N4BP2: variants seen among roughly 807,000 people sequenced by gnomAD.
The protein encoded by N4BP2 is NEDD4-binding protein 2.
N4BP2 carries 91 observed loss-of-function variants against 152.8 expected under a neutral mutation model. The ratio of observed to expected loss-of-function variants is 0.60; its 90% CI spans 0.50 to 0.71. The LOEUF is 0.71. N4BP2 is among the 30% of genes least tolerant of loss of function. The pLI is 0.00. For missense variants in N4BP2, 1,923 were observed against 2,059.1 expected, an observed-to-expected ratio of 0.93 and a Z score of 1.28; for synonymous variants, 646 against 705.3, an observed-to-expected ratio of 0.92 and a Z score of 1.33.
rs1267390493 is a variant in N4BP2 at position 40,157,356 on chromosome 4, T to A, written c.*3119T>A. The A allele has an allele frequency of 6.6e-6, 1 of 152,184 alleles. No individual in the cohort carries two copies. Among genetic ancestry groups the A allele is most frequent in the Non-Finnish European group, 1.5e-5 (1 of 67,996 alleles). 9.4% of individuals were successfully genotyped at this position (152,184 alleles called of 1,614,324 possible). A position where few individuals can be genotyped will look rare whatever the true frequency, so the allele number is the denominator to read the frequency against. On this transcript the variant is annotated 3_prime_UTR_variant, in exon 18 of 18. Transcript: ENST00000261435. ...ATATAGCAGAAATTTTGACTTTAAA[T>A]CCTCTTGAGTAGTATATTTTGAGAA...
chr4:40,161,851 G>A (rs1013429186), downstream of N4BP2, among the ~76,000 whole-genome samples: 1 of 152,170 alleles, frequency 6.6e-6, no homozygotes, highest in Admixed American at 6.5e-5. Flanking sequence ...CTGGCTCTGG[G>A]GATGAATTCC....
At chr4:40,063,361 T>C (rs1374036754) in intron 1 of N4BP2, among the ~76,000 whole-genome samples, 1 of 152,222 alleles carries the variant, frequency 6.6e-6, no homozygotes, top group East Asian at 1.9e-4. Flanking sequence ...ACTGGCTTTA[T>C]TCCTTTTACT....
rs955544064 is a variant in N4BP2 at position 40,157,493 on chromosome 4, G to C, written c.*3256G>C. On this transcript the variant is annotated 3_prime_UTR_variant, in exon 18 of 18. Transcript: ENST00000261435. ...GTAGACATGTATAATATTGAGATCG[G>C]TTATTTCTGAGCTGGAAATTGGAAA... is the stretch of plus-strand genomic sequence containing the variant. 1 of 152,078 alleles carries C rather than the reference G, an allele frequency of 6.6e-6. No individual in the cohort carries two copies. The highest frequency in any genetic ancestry group is 1.9e-4 in the East Asian group (1 of 5,200). 9.4% of individuals were successfully genotyped at this position (152,078 alleles called of 1,614,324 possible). A position where few individuals can be genotyped will look rare whatever the true frequency, so the allele number is the denominator to read the frequency against.
At chr4:40,144,291 C>T (rs563942411) in intron 15 of N4BP2, among the ~76,000 whole-genome samples, 1 of 152,268 alleles carries the variant, frequency 6.6e-6, no homozygotes, top group African/African-American at 2.4e-5. Context: ...AGAAACAATG[C>T]TTCACCAGCC....
At chr4:40,173,175 T>A in the N4BP2 span, among the ~76,000 whole-genome samples, 1 of 149,878 alleles carries the variant, frequency 6.7e-6, no homozygotes, top group Non-Finnish European at 1.5e-5. Context: ...CCTTGTCCCC[T>A]TAGAGGGGCT....
At chr4:40,071,347 TAA>T (rs1712161002) in intron 1 of N4BP2, among the ~76,000 whole-genome samples, 1 of 152,172 alleles carries the variant, frequency 6.6e-6, no homozygotes, top group Non-Finnish European at 1.5e-5. Flanking sequence ...AGACTTAGGT[TAA>T]ACAGTTTTGG....
chr4:40,141,420 G>A (rs1278169231), intron 14 of N4BP2, among the ~76,000 whole-genome samples: 3 of 151,732 alleles, frequency 2.0e-5, no homozygotes, highest in South Asian at 2.1e-4. Context: ...GGTCGCGGCC[G>A]GGTAGAGGCG....
At position 40,126,282 on chromosome 4, in the gene N4BP2, CAG is replaced by C. The variant is rs1194994904; in HGVS notation, c.4483_4484del (p.Glu1495AsnfsTer13). On this transcript the variant is annotated frameshift_variant, in exon 12 of 18. Coordinates refer to ENST00000261435, the MANE Select transcript of N4BP2 (RefSeq NM_018177.6). LOFTEE classifies it high-confidence loss of function. ...ATACTCAAACTAAAAAAGTATCACT[CAG>C]AGAAATAATGTCAGAAGAAATTGCC... ...WNTQTKKVSL[R>X]EIMSEEIALQ... is the part of the protein sequence containing the mutation. 2.5e-6 allele frequency: 4 copies of C among 1,584,792 alleles called. No individual in the cohort carries two copies. The highest frequency in any genetic ancestry group is 3.4e-6 in the Non-Finnish European group (4 of 1,165,082).
At chr4:40,092,008 T>TTATATATATA (rs1221314746) in intron 2 of N4BP2, among the ~76,000 whole-genome samples, 333 of 27,200 alleles carry the variant, frequency 0.012, 14 homozygotes, top group Non-Finnish European at 0.016. Flanking sequence ...AAAAAAAAAA[T>TTATATATATA]TATATATATA....
rs1721251676 is a variant in N4BP2, at chr4:40,152,711, A to AAT, written c.5144-68_5144-67insTA. 1.9e-6 allele frequency: 3 copies of AAT among 1,555,498 alleles called. No individual in the cohort carries two copies. The South Asian group carries it at 3.4e-5, about 18-fold the overall frequency. ...AACAATTTCATGTGCTTGAGTAGCT[A>AAT]AGGTTTACGTTTTCTATTGAGAATG... On this transcript the variant is annotated intron_variant, in intron 16 of 17. Coordinates refer to ENST00000261435, the MANE Select transcript of N4BP2 (RefSeq NM_018177.6).
chr4:40,161,060 A>G (rs950267525), downstream of N4BP2, among the ~76,000 whole-genome samples: 12 of 152,202 alleles, frequency 7.9e-5, no homozygotes, highest in African/African-American at 2.4e-5. Context: ...AACTCAATCA[A>G]TCAATCCTGA....
At chr4:40,159,130 G>A (rs1721787807), downstream of N4BP2, among the ~76,000 whole-genome samples, 1 of 152,192 alleles carries the variant, frequency 6.6e-6, no homozygotes. Flanking sequence ...GCTGTTTAAT[G>A]TCAGAGGTAT....
the N4BP2 span, among the ~76,000 whole-genome samples, chr4:40,172,600 C>T: frequency 2.6e-5 from 4 of 152,206 alleles, no homozygotes; most frequent in African/African-American, 9.6e-5. Context: ...CCTGGAACAG[C>T]TGCCTCCCTT....
intron 2 of N4BP2, among the ~76,000 whole-genome samples, chr4:40,087,374 T>A (rs113288359): frequency 1.7e-3 from 260 of 151,692 alleles, no homozygotes; most frequent in African/African-American, 5.9e-3. Flanking sequence ...AAAAATTAGG[T>A]TTTTTTTGAG....
intron 1 of N4BP2, among the ~76,000 whole-genome samples, chr4:40,064,280 G>T (rs1180074880): frequency 6.6e-6 from 1 of 152,038 alleles, no homozygotes; most frequent in Non-Finnish European, 1.5e-5. Flanking sequence ...CTTATTTATT[G>T]ATTGATTTAT....
At chr4:40,105,511 G>A (rs1716181484) in intron 4 of N4BP2, among the ~76,000 whole-genome samples, 2 of 150,696 alleles carry the variant, frequency 1.3e-5, no homozygotes, top group Admixed American at 1.3e-4. Flanking sequence ...TTTTAGTAGA[G>A]ACAGGGTTTC....
chr4:40,094,242 G>A (rs1439362017), intron 2 of N4BP2, among the ~76,000 whole-genome samples: 1 of 152,132 alleles, frequency 6.6e-6, no homozygotes, highest in Non-Finnish European at 1.5e-5. Context: ...ATTTGTTGTG[G>A]TTTGGTTTTA....
intron 15 of N4BP2, among the ~76,000 whole-genome samples, chr4:40,143,332 A>T (rs192419597): frequency 6.6e-5 from 10 of 152,108 alleles, no homozygotes; most frequent in Admixed American, 1.3e-4. Context: ...TTATTTTTTT[A>T]AGATAAGGTC....
intron 1 of N4BP2, among the ~76,000 whole-genome samples, chr4:40,062,135 G>T (rs1310870152): frequency 1.4e-5 from 2 of 142,480 alleles, no homozygotes; most frequent in African/African-American, 5.2e-5. Flanking sequence ...TGGGAGTGCA[G>T]TGGTGCGATC....
Sources: gnomAD v4.1 joint callset for allele counts (sites outside exome capture counted in the v4.1 genomes callset) on GRCh38, gnomAD v4.1.1 for gene constraint, MANE v1.5 for transcripts, NCBI Gene and HGNC (gene_info 2026-07-23, HGNC 2026-07-21) for gene names.